RASA2: variants seen among roughly 807,000 people sequenced by gnomAD.
The protein encoded by RASA2 is RAS p21 protein activator 2.
In RASA2, 155 loss-of-function variants were observed where a neutral mutation model predicts 118.2. The observed-to-expected ratio is 1.31, with a 90% CI of 1.15 to 1.50. RASA2 has a LOEUF of 1.50. Among genes scored for constraint, RASA2 ranks in the 40% most tolerant of loss-of-function variants. The probability of loss-of-function intolerance (pLI) is 0.00; values close to 1 mark genes in which losing one functional copy is unlikely to be tolerated. For missense variants in RASA2, 1,016 were observed against 1,009.6 expected (o/e 1.01, Z -0.09); for synonymous variants, 353 against 349.1 (o/e 1.01, Z -0.12).
intron 9 of RASA2, 63 bp downstream of exon 9, chr3:141,560,058 C>G: frequency 8.1e-7 from 1 of 1,238,930 alleles, no homozygotes; most frequent in East Asian, 2.4e-5. Context: ...TATATATATG[C>G]AAATAAATGC....
chr3:141,549,142 T>A (rs2082532193), intron 5 of RASA2, among the ~76,000 whole-genome samples: 1 of 152,222 alleles, frequency 6.6e-6, no homozygotes, highest in Non-Finnish European at 1.5e-5. Flanking sequence ...CTAATTTGCA[T>A]CCATAATTTT....
intron 5 of RASA2, among the ~76,000 whole-genome samples, chr3:141,546,338 C>T (rs1302966754): frequency 1.3e-5 from 2 of 152,294 alleles, no homozygotes; most frequent in South Asian, 4.1e-4. Context: ...TCTCCATATC[C>T]TCACCAATAT....
intron 4 of RASA2, 60 bp downstream of exon 4, chr3:141,529,862 CTAAT>C (rs2082236129): frequency 2.4e-6 from 3 of 1,266,146 alleles, no homozygotes; most frequent in Non-Finnish European, 3.4e-6. Flanking sequence ...AAAAAATGAA[CTAAT>C]TAAACTGGTT....
chr3:141,540,637 C>G, intron 5 of RASA2, 28 bp downstream of exon 5: 1 of 1,552,012 alleles, frequency 6.4e-7, no homozygotes, highest in Non-Finnish European at 8.9e-7. Context: ...CCAAAATCAA[C>G]TAGAAATAAT....
At chr3:141,554,902 A>G (rs929966923) in intron 6 of RASA2, among the ~76,000 whole-genome samples, 1 of 152,150 alleles carries the variant, frequency 6.6e-6, no homozygotes, top group Non-Finnish European at 1.5e-5. Context: ...TTTTTTTAAT[A>G]ATCTCTACCT....
intron 19 of RASA2, among the ~76,000 whole-genome samples, chr3:141,606,289 T>A (rs2083548030): frequency 6.6e-6 from 1 of 152,204 alleles, no homozygotes; most frequent in African/African-American, 2.4e-5. Flanking sequence ...CTCGTCTGAT[T>A]CTAGGAGATT....
chr3:141,587,581 G>T (rs887191667), intron 19 of RASA2, among the ~76,000 whole-genome samples: 1 of 152,048 alleles, frequency 6.6e-6, no homozygotes, highest in Admixed American at 6.6e-5. Context: ...GGGCATGGTG[G>T]CGCATGCCTG....
At chr3:141,507,078 T>A (rs960005168) in intron 1 of RASA2, among the ~76,000 whole-genome samples, 2 of 152,172 alleles carry the variant, frequency 1.3e-5, no homozygotes, top group Admixed American at 6.5e-5. Context: ...GGAGTTAAGA[T>A]CCATTTCCCA....
rs2082909040 is a variant in RASA2, at chr3:141,570,970, T to A, written c.922T>A (p.Ser308Thr). ...GTCATCCAAAACTGATGACCTGGGG[T>A]CTCTTCGATTAAATATATGTTATAC... is the stretch of plus-strand genomic sequence containing the variant. ...NKSSKTDDLGSLRLNICYTED... is the reference protein window; with the variant it reads ...NKSSKTDDLGTLRLNICYTED... The change falls in exon 10 of 24, where the codon TCT (serine) becomes ACT (threonine). Residue 308 changes from serine to threonine, a missense_variant. Physicochemically the swap from Ser to Thr is moderately conservative, Grantham distance 58 (BLOSUM62 1). Transcript: ENST00000286364. 6.2e-7 allele frequency: 1 copy of A among 1,612,382 alleles called. No individual in the cohort carries two copies. The highest frequency in any genetic ancestry group is 8.5e-7 in the Non-Finnish European group (1 of 1,179,092).
chr3:141,508,196 C>A (rs759955410), intron 1 of RASA2, among the ~76,000 whole-genome samples: 2 of 151,682 alleles, frequency 1.3e-5, no homozygotes, highest in African/African-American at 4.8e-5. Context: ...CGAAAGTTTC[C>A]TCACGTTTAA....
chr3:141,585,469 A>G (rs1222189181), intron 17 of RASA2, among the ~76,000 whole-genome samples: 1 of 152,196 alleles, frequency 6.6e-6, no homozygotes, highest in Non-Finnish European at 1.5e-5. Flanking sequence ...AATTATTCCT[A>G]CAAGGAAATA....
chr3:141,575,494 T>C (rs1446850829), intron 14 of RASA2, among the ~76,000 whole-genome samples: 1 of 152,222 alleles, frequency 6.6e-6, no homozygotes, highest in Non-Finnish European at 1.5e-5. Flanking sequence ...ACACACACAG[T>C]GTTAGTGTGT....
intron 15 of RASA2, chr3:141,579,624 A>C (rs1355318466): frequency 1.3e-5 from 2 of 152,164 alleles, no homozygotes; most frequent in Non-Finnish European, 1.5e-5. Context: ...GAGCACAGAA[A>C]ATTTGGAACA....
Position 141,610,478 on chromosome 3 carries a change from AAT to A in RASA2, c.2519+429_2519+430del, listed in dbSNP as rs201768514. On this transcript the variant is annotated intron_variant, in intron 23 of 23. Coordinates refer to ENST00000286364, the MANE Select transcript of RASA2 (RefSeq NM_006506.5). ...TTTATATTTATATATTATATATATA[AAT>A]ATATATATATATATATTTAGTTTTT... Among the ~76,000 whole-genome samples, 823 of 99,976 alleles carry A rather than the reference AAT, an allele frequency of 8.2e-3. 31 individuals are homozygous for A. Among genetic ancestry groups the A allele is most frequent in the African/African-American group, 0.04 (744 of 18,600 alleles). The allele number at this position is 99,976 out of a possible 152,430, so 65.6% of individuals were successfully genotyped here.
At chr3:141,536,247 A>AAAGAAAATGAGAGAG (rs1205908010) in intron 4 of RASA2, among the ~76,000 whole-genome samples, 5 of 152,134 alleles carry the variant, frequency 3.3e-5, no homozygotes, top group Non-Finnish European at 7.3e-5. Context: ...GGCAGTGGCA[A>AAAGAAAATGAGAGAG]AAGAAAATGA....
intron 5 of RASA2, among the ~76,000 whole-genome samples, chr3:141,551,769 A>C (rs2082578884): frequency 6.6e-6 from 1 of 152,342 alleles, no homozygotes; most frequent in African/African-American, 2.4e-5. Flanking sequence ...AAAAATCCAA[A>C]GAAAAGAATC....
At chr3:141,494,256 A>G (rs769177014) in intron 1 of RASA2, among the ~76,000 whole-genome samples, 1 of 152,278 alleles carries the variant, frequency 6.6e-6, no homozygotes, top group Non-Finnish European at 1.5e-5. Flanking sequence ...ATGCTAAACT[A>G]TAGCAATTTA....
intron 1 of RASA2, among the ~76,000 whole-genome samples, chr3:141,507,389 A>C (rs1399395951): frequency 1.3e-5 from 2 of 152,240 alleles, no homozygotes; most frequent in African/African-American, 4.8e-5. Context: ...AATTGTTGAC[A>C]AGGCTGAAGA....
chr3:141,520,012 T>TC (rs71151493), intron 3 of RASA2, among the ~76,000 whole-genome samples: 30 of 45,938 alleles, frequency 6.5e-4, no homozygotes, highest in Admixed American at 3.0e-3. Flanking sequence ...TCTTTTTCTC[T>TC]TTTTTTTTTT....
Sources: allele counts gnomAD v4.1 joint callset (sites outside exome capture counted in the v4.1 genomes callset), GRCh38; gene constraint gnomAD v4.1.1; transcripts MANE v1.5; gene names NCBI Gene and HGNC (gene_info 2026-07-23, HGNC 2026-07-21).